The following SMCO2 variants were observed in gnomAD, a reference collection of about 807,000 sequenced individuals.
SMCO2 encodes single-pass membrane protein with coiled-coil domains 2.
SMCO2 carries 25 observed loss-of-function variants against 29.5 expected under a neutral mutation model. That is an observed-to-expected ratio of 0.85 (90% CI 0.62 to 1.18). The LOEUF is 1.18. SMCO2 is among the 50% of genes most tolerant of loss of function. SMCO2 has a pLI of 0.00. For missense variants in SMCO2, 348 were observed against 344.5 expected, an observed-to-expected ratio of 1.01 and a Z score of -0.08; for synonymous variants, 117 against 123.3, an observed-to-expected ratio of 0.95 and a Z score of 0.34.
the SMCO2 span, among the ~76,000 whole-genome samples, chr12:27,453,097 G>A: frequency 6.6e-6 from 1 of 152,146 alleles, no homozygotes; most frequent in Non-Finnish European, 1.5e-5. Context: ...GACATCTGTA[G>A]ATTGGCCCCC....
chr12:27,474,815 C>A (rs564622324), exon 4 of SMCO2: 1 of 1,551,708 alleles, frequency 6.4e-7, no homozygotes, highest in Non-Finnish European at 8.7e-7. Context: ...CTGAGCATGA[C>A]CAGGACCTGA....
At chr12:27,478,105 T>G (rs1025237395) in intron 4 of SMCO2, among the ~76,000 whole-genome samples, 4 of 152,170 alleles carry the variant, frequency 2.6e-5, no homozygotes, top group Non-Finnish European at 5.9e-5. Context: ...GTTAGTTGAG[T>G]AGGGTGCTTT....
chr12:27,500,762 T>C (rs1177900599), intron 7 of SMCO2, among the ~76,000 whole-genome samples: 3 of 150,504 alleles, frequency 2.0e-5, no homozygotes, highest in East Asian at 3.9e-4. Context: ...CTTAAGAACA[T>C]TGGCTCTTTA....
chr12:27,487,755 T>A (rs1949701850), intron 4 of SMCO2, among the ~76,000 whole-genome samples: 1 of 123,496 alleles, frequency 8.1e-6, no homozygotes, highest in Non-Finnish European at 1.6e-5. Flanking sequence ...TTTTCTTTCT[T>A]TTTTTTTTTT....
chr12:27,474,221 G>A (rs938672812), intron 3 of SMCO2, among the ~76,000 whole-genome samples: 8 of 152,090 alleles, frequency 5.3e-5, no homozygotes, highest in Non-Finnish European at 8.8e-5. Flanking sequence ...TTCAGAAAGC[G>A]TCTCTAAAAA....
chr12:27,454,710 T>A, the SMCO2 span, among the ~76,000 whole-genome samples: 106,851 of 152,034 alleles, frequency 0.7, 37,999 homozygotes, highest in Middle Eastern at 0.88. Flanking sequence ...TTTCTCCTAA[T>A]GCTATCCTTC....
At chr12:27,434,993 A>G in the SMCO2 span, among the ~76,000 whole-genome samples, 30 of 152,058 alleles carry the variant, frequency 2.0e-4, no homozygotes, top group Non-Finnish European at 4.3e-4. Flanking sequence ...GGAGACCTTC[A>G]CATTCTCTTT....
At chr12:27,429,484 A>C in the SMCO2 span, among the ~76,000 whole-genome samples, 1 of 152,070 alleles carries the variant, frequency 6.6e-6, no homozygotes, top group African/African-American at 2.4e-5. Flanking sequence ...ATTACAAAAA[A>C]AAAAAAATAG....
chr12:27,478,046 T>A (rs1213548634), intron 4 of SMCO2, among the ~76,000 whole-genome samples: 2 of 152,206 alleles, frequency 1.3e-5, no homozygotes, highest in Non-Finnish European at 2.9e-5. Context: ...ATTTTATGCA[T>A]TGGCTTTCAT....
intron 2 of SMCO2, among the ~76,000 whole-genome samples, chr12:27,471,635 G>C (rs746962681): frequency 6.6e-6 from 1 of 152,160 alleles, no homozygotes; most frequent in Non-Finnish European, 1.5e-5. Flanking sequence ...AATGGGCAAA[G>C]ACTATCAACA....
At chr12:27,473,280 A>G (rs1949557112) in intron 3 of SMCO2, among the ~76,000 whole-genome samples, 1 of 152,128 alleles carries the variant, frequency 6.6e-6, no homozygotes, top group Admixed American at 6.5e-5. Context: ...TGCAGCCTCC[A>G]GGAGAGAATC....
chr12:27,425,968 A>C, the SMCO2 span, among the ~76,000 whole-genome samples: 1 of 152,172 alleles, frequency 6.6e-6, no homozygotes, highest in Non-Finnish European at 1.5e-5. Context: ...AGGGAAGGCA[A>C]AATAAGCAGT....
the SMCO2 span, among the ~76,000 whole-genome samples, chr12:27,450,761 T>C: frequency 6.6e-6 from 1 of 152,254 alleles, no homozygotes; most frequent in Non-Finnish European, 1.5e-5. Flanking sequence ...TATTTGCCTG[T>C]CTCATAAAAT....
the SMCO2 span, among the ~76,000 whole-genome samples, chr12:27,444,078 C>G: frequency 2.0e-5 from 3 of 152,100 alleles, no homozygotes. Flanking sequence ...AAATTTACCA[C>G]AAAGCTATAG....
intron 2 of SMCO2, among the ~76,000 whole-genome samples, chr12:27,471,361 C>A (rs1419076093): frequency 6.6e-6 from 1 of 152,094 alleles, no homozygotes; most frequent in African/African-American, 2.4e-5. Context: ...AATATTTATT[C>A]ATTCTATCTA....
chr12:27,466,406 T>G (rs1413528839), upstream of SMCO2, among the ~76,000 whole-genome samples: 2 of 152,090 alleles, frequency 1.3e-5, no homozygotes, highest in East Asian at 3.9e-4. Context: ...AGCGAGAGTC[T>G]GACTCAAAAA....
At chr12:27,434,175 TA>T in the SMCO2 span, among the ~76,000 whole-genome samples, 2 of 152,248 alleles carry the variant, frequency 1.3e-5, no homozygotes, top group Non-Finnish European at 2.9e-5. Context: ...CAGTGGTTCC[TA>T]ATATGTGGTC....
rs145918869 is a variant in SMCO2 at position 27,470,244 on chromosome 12, T to C, written c.-10-378T>C. 3.1e-3 allele frequency among the ~76,000 whole-genome samples: 466 copies of C among 152,326 alleles called. 1 individual carries two copies. Among genetic ancestry groups the C allele is most frequent in the African/African-American group, 0.01 (434 of 41,568 alleles). On this transcript the variant is annotated intron_variant, in intron 1 of 7. Coordinates refer to ENST00000298876, the Ensembl canonical transcript of SMCO2. ...TCTCTGAAGTACCAATGATTTTACT[T>C]TTTTCTTTTGCCCTTTTTACTTTTT...
the SMCO2 span, among the ~76,000 whole-genome samples, chr12:27,452,159 G>C: frequency 6.6e-6 from 1 of 152,132 alleles, no homozygotes; most frequent in African/African-American, 2.4e-5. Context: ...AGGGAAAGTG[G>C]GAGTAAAGAA....
Sources: allele counts gnomAD v4.1 joint callset (sites outside exome capture counted in the v4.1 genomes callset), GRCh38; gene constraint gnomAD v4.1.1; transcripts MANE v1.5; gene names NCBI Gene and HGNC (gene_info 2026-07-23, HGNC 2026-07-21).